The following PTPN3 variants were observed in gnomAD, a reference collection of about 807,000 sequenced individuals.
The protein encoded by PTPN3 is tyrosine-protein phosphatase non-receptor type 3.
A neutral mutation model predicts 132.7 loss-of-function variants in PTPN3; 96 were observed. That is an observed-to-expected ratio of 0.72 (90% CI 0.61 to 0.86). The LOEUF (loss-of-function observed/expected upper bound fraction) is 0.86. Ranked by LOEUF, PTPN3 falls within the 40% of genes least tolerant of loss-of-function variation. The probability of loss-of-function intolerance (pLI) is 0.00; values close to 1 mark genes in which losing one functional copy is unlikely to be tolerated. For missense variants in PTPN3, 1,125 were observed against 1,159.6 expected (o/e 0.97, Z 0.43); for synonymous variants, 398 against 429.0 (o/e 0.93, Z 0.89).
intron 2 of PTPN3, among the ~76,000 whole-genome samples, chr9:109,459,868 T>G (rs543874520): frequency 1.2e-4 from 18 of 152,232 alleles, no homozygotes; most frequent in Admixed American, 1.1e-3. Flanking sequence ...ACTCCTTTAG[T>G]GCCTGCTCCT....
chr9:109,499,253 G>T (rs1335122790), upstream of PTPN3, among the ~76,000 whole-genome samples: 1 of 152,098 alleles, frequency 6.6e-6, no homozygotes, highest in East Asian at 1.9e-4. Context: ...GGTAAGCAGT[G>T]AATTTTCAGT....
At chr9:109,380,575 C>A (rs1203351311) in intron 25 of PTPN3, among the ~76,000 whole-genome samples, 1 of 152,166 alleles carries the variant, frequency 6.6e-6, no homozygotes, top group East Asian at 1.9e-4. Flanking sequence ...GAAAATCTAC[C>A]AGGATGATGG....
chr9:109,511,139 A>G, the PTPN3 span, among the ~76,000 whole-genome samples: 5 of 152,276 alleles, frequency 3.3e-5, no homozygotes, highest in Admixed American at 1.3e-4. Context: ...AGGTTCAGCC[A>G]TGGTGCTTAA....
chr9:109,458,093 C>T (rs1437819834), intron 2 of PTPN3, among the ~76,000 whole-genome samples: 5 of 152,240 alleles, frequency 3.3e-5, no homozygotes, highest in African/African-American at 1.2e-4. Flanking sequence ...CCATAAGAAG[C>T]TCCCTTTTCC....
At chr9:109,475,106 A>T (rs1846589309) in intron 1 of PTPN3, among the ~76,000 whole-genome samples, 1 of 152,154 alleles carries the variant, frequency 6.6e-6, no homozygotes, top group South Asian at 2.1e-4. Context: ...ATATGGAAGG[A>T]AGTGCCCTGT....
the PTPN3 span, among the ~76,000 whole-genome samples, chr9:109,509,497 C>A: frequency 6.6e-6 from 1 of 152,162 alleles, no homozygotes; most frequent in African/African-American, 2.4e-5. Flanking sequence ...TCTGCTACTC[C>A]AACTGTTAAC....
chr9:109,531,997 A>G, the PTPN3 span, among the ~76,000 whole-genome samples: 11 of 152,344 alleles, frequency 7.2e-5, no homozygotes, highest in East Asian at 2.1e-3. Flanking sequence ...TGGATACCAA[A>G]GAATGCCTGA....
chr9:109,381,835 TCTGCATGGC>T (rs1056171788), intron 24 of PTPN3, 48 bp from the exon 25 acceptor site: 8 of 1,609,876 alleles, frequency 5.0e-6, no homozygotes, highest in Middle Eastern at 1.7e-4. Context: ...GAGTAGCCTT[TCTGCATGGC>T]CCAGCGAGCA....
intron 1 of PTPN3, among the ~76,000 whole-genome samples, chr9:109,472,819 G>T (rs949094707): frequency 8.5e-5 from 13 of 152,174 alleles, no homozygotes; most frequent in Admixed American, 6.5e-5. Context: ...ACATAATCGT[G>T]ACTGAATACT....
chr9:109,422,334 T>C (rs746438206), intron 13 of PTPN3, among the ~76,000 whole-genome samples: 15 of 152,206 alleles, frequency 9.9e-5, no homozygotes, highest in Non-Finnish European at 1.8e-4. Flanking sequence ...CTGCGTTAGT[T>C]TTCCCTAAAG....
In PTPN3 at chr9:109,474,624, G is replaced by A. The variant is rs538089105; in HGVS notation, c.-17-11173C>T. Among the ~76,000 whole-genome samples the A allele has an allele frequency of 4.6e-4, 70 of 152,298 alleles. 1 individual carries two copies. In the South Asian group the frequency reaches 0.013, roughly 29 times the overall value. On this transcript the variant is annotated intron_variant, in intron 1 of 25. Coordinates refer to ENST00000374541, the MANE Select transcript of PTPN3 (RefSeq NM_002829.4). The stretch of plus-strand genomic sequence containing the variant: ...TGCAAAACCCATGTGCAAAGGTTGG[G>A]GGGGAAAATGCACGCATGGTATGGG...
At chr9:109,381,443 C>T (rs927316775) in intron 25 of PTPN3, among the ~76,000 whole-genome samples, 18 of 152,180 alleles carry the variant, frequency 1.2e-4, no homozygotes, top group African/African-American at 4.3e-4. Flanking sequence ...CCCTGACAGA[C>T]GGGCTGGCAG....
At chr9:109,534,638 A>ATAC in the PTPN3 span, among the ~76,000 whole-genome samples, 1 of 145,852 alleles carries the variant, frequency 6.9e-6, no homozygotes, top group East Asian at 2.0e-4. Context: ...AATACAAAAA[A>ATAC]AAAAAAAAAA....
At chr9:109,488,538 T>C (rs191576302) in intron 1 of PTPN3, among the ~76,000 whole-genome samples, 2 of 152,230 alleles carry the variant, frequency 1.3e-5, no homozygotes, top group South Asian at 2.1e-4. Flanking sequence ...AAGCTGCTGA[T>C]GCCTAGAGTA....
intron 1 of PTPN3, among the ~76,000 whole-genome samples, chr9:109,470,015 A>G (rs1398366334): frequency 2.0e-5 from 3 of 149,580 alleles, no homozygotes; most frequent in Non-Finnish European, 4.4e-5. Flanking sequence ...TTCCCTATGA[A>G]CTCAGGAAAG....
the PTPN3 span, among the ~76,000 whole-genome samples, chr9:109,536,959 G>A: frequency 1.3e-5 from 2 of 151,644 alleles, no homozygotes; most frequent in East Asian, 1.9e-4. Flanking sequence ...ATATGAAGTC[G>A]CAAATGAAAG....
intron 22 of PTPN3, among the ~76,000 whole-genome samples, chr9:109,387,878 C>T (rs985372013): frequency 6.6e-6 from 1 of 152,134 alleles, no homozygotes; most frequent in Non-Finnish European, 1.5e-5. Flanking sequence ...ACCCATGAGC[C>T]TCAAGGGAGA....
chr9:109,522,433 G>A, the PTPN3 span, among the ~76,000 whole-genome samples: 1 of 152,140 alleles, frequency 6.6e-6, no homozygotes, highest in Admixed American at 6.5e-5. Flanking sequence ...GAATAAAGAG[G>A]ACCTCCTGGA....
chr9:109,462,772 C>A (rs867651130), intron 2 of PTPN3, among the ~76,000 whole-genome samples: 34 of 152,050 alleles, frequency 2.2e-4, no homozygotes, highest in African/African-American at 8.0e-4. Flanking sequence ...GATTGTTTCA[C>A]AACCCACTCA....
Sources: gnomAD v4.1 joint callset for allele counts (sites outside exome capture counted in the v4.1 genomes callset) on GRCh38, gnomAD v4.1.1 for gene constraint, MANE v1.5 for transcripts, NCBI Gene and HGNC (gene_info 2026-07-23, HGNC 2026-07-21) for gene names.